Variants in KIF20B observed in about 807,000 individuals in gnomAD.
KIF20B encodes kinesin-like protein KIF20B.
KIF20B carries 188 observed loss-of-function variants against 232.5 expected under a neutral mutation model. The observed-to-expected ratio is 0.81, with a 90% CI of 0.72 to 0.91. KIF20B has a LOEUF of 0.91. Among genes scored for constraint, KIF20B ranks in the 40% least tolerant of loss-of-function variants. The pLI is 0.00. For synonymous variants in KIF20B, 712 were observed against 683.0 expected (o/e 1.04, Z -0.66); for missense variants, 2,154 against 2,055.9 (o/e 1.05, Z -0.92).
rs1349411545 is a variant in KIF20B, at chr10:89,774,375, A to G, written c.*327A>G. On this transcript the variant is annotated 3_prime_UTR_variant, in exon 33 of 33. Coordinates refer to ENST00000371728, the MANE Select transcript of KIF20B (RefSeq NM_001284259.2). ...GGTATTTGGTTTACTTATATTTAAC[A>G]ATGTCTTATGAATTTTTTTTACTTT... 6.0e-6 allele frequency: 1 copy of G among 167,246 alleles called. No individual in the cohort carries two copies. The highest frequency in any genetic ancestry group is 2.4e-5 in the African/African-American group (1 of 42,092). 10.4% of individuals were successfully genotyped at this position (167,246 alleles called of 1,614,324 possible). A position where few individuals can be genotyped will look rare whatever the true frequency, so the allele number is the denominator to read the frequency against.
chr10:89,727,748 G>A (rs1843221190), intron 16 of KIF20B, 108 bp from the exon 17 acceptor site: 2 of 977,466 alleles, frequency 2.0e-6, no homozygotes, highest in Non-Finnish European at 2.9e-6. Context: ...CCTTTTTATT[G>A]AATGTAACAG....
In KIF20B at chr10:89,752,662, A is replaced by C. The variant is rs775151933; in HGVS notation, c.4318A>C (p.Lys1440Gln). 6.3e-7 allele frequency: 1 copy of C among 1,584,996 alleles called. No individual in the cohort carries two copies. Among genetic ancestry groups the C allele is most frequent in the Non-Finnish European group, 8.6e-7 (1 of 1,167,038 alleles). The change falls in exon 25 of 33, where the codon AAG becomes CAG. Residue 1440 changes from lysine to glutamine, a missense_variant. Lys to Gln is a moderately conservative substitution (Grantham distance 53). Coordinates refer to ENST00000371728, the MANE Select transcript of KIF20B (RefSeq NM_001284259.2). ...EHENNTDVLG[K>Q]LTNLQDELQE... ...TGAGAACAACACAGATGTGCTTGGA[A>C]AGCTCACTAATCTTCAAGATGAGTT...
chr10:89,758,737 A>G lies in KIF20B; in HGVS notation c.4535A>G (p.Asp1512Gly), dbSNP rs1263237328. Residue 1512 changes from aspartate to glycine, a missense_variant, in exon 27 of 33, where the codon GAT becomes GGT. Physicochemically the swap from Asp to Gly is moderately conservative, Grantham distance 94 (BLOSUM62 -1). Transcript: ENST00000371728. ...EILTAQLTEK[D>G]SDLQKWREER... Reference sequence around the variant, plus strand: ...CTGACAGCCCAGCTGACAGAGAAAGATAGTGACCTTCAAAAGTGGCGAGAA... The same window carrying G: ...CTGACAGCCCAGCTGACAGAGAAAGGTAGTGACCTTCAAAAGTGGCGAGAA... The G allele has an allele frequency of 6.2e-7, 1 of 1,605,360 alleles. No individual in the cohort carries two copies. Among genetic ancestry groups the G allele is most frequent in the Non-Finnish European group, 8.5e-7 (1 of 1,176,312 alleles).
At chr10:89,725,778 G>C (rs1166925338) in intron 15 of KIF20B, among the ~76,000 whole-genome samples, 2 of 152,100 alleles carry the variant, frequency 1.3e-5, no homozygotes, top group African/African-American at 2.4e-5. Flanking sequence ...ATCCTTTTCT[G>C]CTGCTTCCAC....
chr10:89,757,038 GTGTATATA>G (rs1335027885), intron 26 of KIF20B, among the ~76,000 whole-genome samples: 5 of 79,072 alleles, frequency 6.3e-5, no homozygotes, highest in Admixed American at 1.6e-4. Context: ...GTGTGTGTGT[GTGTATATA>G]TATATATATA....
intron 26 of KIF20B, 38 bp from the exon 27 acceptor site, chr10:89,758,668 C>A: frequency 2.2e-6 from 3 of 1,389,702 alleles, no homozygotes; most frequent in South Asian, 3.1e-5. Flanking sequence ...CATAATATAT[C>A]AAGGTTGATT....
intron 18 of KIF20B, among the ~76,000 whole-genome samples, chr10:89,732,684 G>C (rs1483550633): frequency 6.6e-6 from 1 of 152,144 alleles, no homozygotes; most frequent in African/African-American, 2.4e-5. Flanking sequence ...TGTGACTTCA[G>C]AGATTTATCT....
rs112200975 is a variant in KIF20B, at chr10:89,715,165, G to A, written c.923G>A (p.Gly308Asp). The change falls in exon 8 of 33, where the codon GGC becomes GAC. Residue 308 changes from glycine (G) to aspartate (D), a missense_variant. Coordinates refer to ENST00000371728, the MANE Select transcript of KIF20B (RefSeq NM_001284259.2). ...KMLRLSQDVK[G>D]YSFIKDLQWI... is the part of the protein sequence containing the mutation. ...CTGCGCCTTTCCCAAGACGTAAAGG[G>A]CTATTCTTTTATAAAAGGTATACTA... 1.9e-6 allele frequency: 3 copies of A among 1,591,456 alleles called. No homozygotes were observed. The highest frequency in any genetic ancestry group is 2.6e-6 in the Non-Finnish European group (3 of 1,168,234).
In KIF20B at chr10:89,714,982, C is replaced by T; in HGVS notation, c.740C>T (p.Ser247Leu). 4 of 1,576,078 alleles carry T rather than the reference C, an allele frequency of 2.5e-6. No individual in the cohort carries two copies. The highest frequency in any genetic ancestry group is 3.4e-6 in the Non-Finnish European group (4 of 1,160,280). Residue 247 changes from serine to leucine, a missense_variant, in exon 8 of 33, where the codon TCA becomes TTA. By Grantham distance (145) the Ser-to-Leu change is moderately radical. Coordinates refer to ENST00000371728, the MANE Select transcript of KIF20B (RefSeq NM_001284259.2). The part of the protein sequence containing the change: ...YGSLTNSLNI[S>L]EFEESIKDYE... ...AGTTTAACTAACTCTTTGAATATCT[C>T]AGAGTTTGAAGAATCCATAAAAGAT...
Position 89,726,356 on chromosome 10 carries a change from A to G in KIF20B, c.2065A>G (p.Ile689Val). ...TTCTCTTCAAGATAATGTTGCTGATATTAAGAAACAGGCTGAAATTGCTCA... is the reference window on the plus strand; with the variant it reads ...TTCTCTTCAAGATAATGTTGCTGATGTTAAGAAACAGGCTGAAATTGCTCA... ...IDSLQDNVADIKKQAEIAHLY... is the reference protein window; with the variant it reads ...IDSLQDNVADVKKQAEIAHLY... Residue 689 changes from isoleucine to valine, a missense_variant, in exon 16 of 33, where the codon ATT (isoleucine) becomes GTT (valine). Ile to Val is a conservative substitution (Grantham distance 29). Coordinates refer to ENST00000371728, the MANE Select transcript of KIF20B (RefSeq NM_001284259.2). 1 of 1,555,938 alleles carries G rather than the reference A, an allele frequency of 6.4e-7. No homozygotes were observed. Among genetic ancestry groups the G allele is most frequent in the Non-Finnish European group, 8.7e-7 (1 of 1,148,678 alleles).
intron 29 of KIF20B, among the ~76,000 whole-genome samples, chr10:89,767,569 T>C (rs938459150): frequency 6.6e-6 from 1 of 151,554 alleles, no homozygotes; most frequent in Admixed American, 6.6e-5. Context: ...GCCCCCTTTT[T>C]CCTGAACTTT....
chr10:89,723,817 A>G, intron 13 of KIF20B, 147 bp from the exon 14 acceptor site: 2 of 717,046 alleles, frequency 2.8e-6, no homozygotes, highest in Non-Finnish European at 1.9e-6. Context: ...CAAACATATA[A>G]TTTTCAGTGA....
rs1003667966 is a variant in KIF20B at position 89,760,758 on chromosome 10, T to C, written c.4791+122T>C. The C allele has an allele frequency of 5.1e-6, 3 of 588,900 alleles. No homozygotes were observed. In the East Asian group the frequency reaches 8.9e-5, roughly 18 times the overall value. 36.5% of individuals were successfully genotyped at this position (588,900 alleles called of 1,614,324 possible). ...AATTAGCTGTGTGTGCTCTGGGCTG[T>C]GTGAAAGAAACTAGAGGCTTTTGAG... is the stretch of plus-strand genomic sequence containing the variant. On this transcript the variant is annotated intron_variant, in intron 28 of 32. Coordinates refer to ENST00000371728, the MANE Select transcript of KIF20B (RefSeq NM_001284259.2).
In KIF20B at chr10:89,759,257, C is replaced by T. The variant is rs1408655198; in HGVS notation, c.4680+375C>T. ...GGTGATTTTGAATACTTGGGCCCAT[C>T]CTTAACTTTATTTTATAAAGATACA... On this transcript the variant is annotated intron_variant, in intron 27 of 32. Transcript: ENST00000371728. Among the ~76,000 whole-genome samples, 11 of 151,958 alleles carry T rather than the reference C, an allele frequency of 7.2e-5. No individual in the cohort carries two copies. The East Asian group carries it at 1.7e-3, about 24-fold the overall frequency.
At chr10:89,735,754 G>C (rs1439225570) in intron 19 of KIF20B, among the ~76,000 whole-genome samples, 1 of 151,864 alleles carries the variant, frequency 6.6e-6, no homozygotes, top group African/African-American at 2.4e-5. Flanking sequence ...TGGCCAGGAT[G>C]GTCTCGATCT....
chr10:89,724,980 C>A, intron 14 of KIF20B, 40 bp from the exon 15 acceptor site: 2 of 1,580,636 alleles, frequency 1.3e-6, no homozygotes, highest in South Asian at 1.1e-5. Flanking sequence ...CAAAGTAGTT[C>A]GTTTTCTGTT....
intron 13 of KIF20B, among the ~76,000 whole-genome samples, chr10:89,722,617 C>T (rs1843088050): frequency 6.6e-6 from 1 of 151,942 alleles, no homozygotes; most frequent in Admixed American, 6.6e-5. Context: ...TGCAGTGAGC[C>T]GAGATCGAGC....
At chr10:89,719,821 C>A in intron 13 of KIF20B, 115 bp downstream of exon 13, 6 of 790,086 alleles carry the variant, frequency 7.6e-6, no homozygotes, top group African/African-American at 1.7e-5. Flanking sequence ...TTTTTGTGTT[C>A]AACTTTATAT....
chr10:89,737,705 A>G lies in KIF20B; in HGVS notation c.2864A>G (p.Gln955Arg). 6.2e-7 allele frequency: 1 copy of G among 1,613,204 alleles called. No individual in the cohort carries two copies. The highest frequency in any genetic ancestry group is 8.5e-7 in the Non-Finnish European group (1 of 1,179,522). ...TTACATGTGCAGAAAAGTAAAAATCAAGAACAGGAGGAAAAGATCATGAAA... is the reference window on the plus strand; with the variant it reads ...TTACATGTGCAGAAAAGTAAAAATCGAGAACAGGAGGAAAAGATCATGAAA... ...AELHVQKSKN[Q>R]EQEEKIMKLS... The change falls in exon 20 of 33, where the codon CAA (glutamine) becomes CGA (arginine). Residue 955 changes from glutamine to arginine, a missense_variant. Transcript: ENST00000371728.
Sources: gnomAD v4.1 joint callset for allele counts (sites outside exome capture counted in the v4.1 genomes callset) on GRCh38, gnomAD v4.1.1 for gene constraint, MANE v1.5 for transcripts, NCBI Gene and HGNC (gene_info 2026-07-23, HGNC 2026-07-21) for gene names.